LIMCH1: variants seen among roughly 807,000 people sequenced by gnomAD.
LIMCH1 encodes LIM and calponin homology domains-containing protein 1.
A neutral mutation model predicts 176.5 loss-of-function variants in LIMCH1; 113 were observed. The ratio of observed to expected loss-of-function variants is 0.64; its 90% confidence interval spans 0.55 to 0.75. The LOEUF (loss-of-function observed/expected upper bound fraction) is 0.75, where lower values mean the gene tolerates loss of function less well. Ranked by LOEUF, LIMCH1 falls within the 30% of genes least tolerant of loss-of-function variation. LIMCH1 has a pLI of 0.00. For synonymous variants in LIMCH1, 619 were observed against 645.9 expected (o/e 0.96, Z 0.63); for missense variants, 1,674 against 1,814.9 (o/e 0.92, Z 1.41).
upstream of LIMCH1, among the ~76,000 whole-genome samples, chr4:41,534,837 A>G: frequency 6.6e-6 from 1 of 152,178 alleles, no homozygotes; most frequent in Non-Finnish European, 1.5e-5. Context: ...ACTACAGGAA[A>G]AGTCATTAGC....
intron 1 of LIMCH1, among the ~76,000 whole-genome samples, chr4:41,418,998 A>G (rs1413627032): frequency 2.6e-5 from 4 of 152,192 alleles, no homozygotes; most frequent in Non-Finnish European, 4.4e-5. Flanking sequence ...CACATTTCAC[A>G]AAGGATTGTG....
rs534300485 is a variant in LIMCH1, at chr4:41,380,798, G to T, written c.96+19862G>T. Among the ~76,000 whole-genome samples, 116 of 152,130 alleles carry T rather than the reference G, an allele frequency of 7.6e-4. 6 individuals are homozygous for T. The highest frequency in any genetic ancestry group is 1.3e-4 in the Non-Finnish European group (9 of 68,024). On this transcript the variant is annotated intron_variant, in intron 1 of 26. Coordinates refer to the LIMCH1 transcript ENST00000313860. ...GGGTGTGTGAAGAGATGTGCATCCAGGGAATACAGTTATATTCTGTCTGCC... is the reference window on the plus strand; with the variant it reads ...GGGTGTGTGAAGAGATGTGCATCCATGGAATACAGTTATATTCTGTCTGCC...
At chr4:41,649,210 G>A (rs1338914441) in intron 17 of LIMCH1, among the ~76,000 whole-genome samples, 2 of 152,100 alleles carry the variant, frequency 1.3e-5, no homozygotes, top group Admixed American at 1.3e-4. Context: ...GACCAGTCTG[G>A]ACAACATGAT....
intron 1 of LIMCH1, among the ~76,000 whole-genome samples, chr4:41,381,908 A>G (rs995630768): frequency 6.6e-6 from 1 of 152,168 alleles, no homozygotes; most frequent in South Asian, 2.1e-4. Context: ...GATGGTTAGC[A>G]TCATCCCTGG....
At chr4:41,614,819 A>T (rs2091887742) in intron 5 of LIMCH1, among the ~76,000 whole-genome samples, 1 of 152,218 alleles carries the variant, frequency 6.6e-6, no homozygotes, top group Non-Finnish European at 1.5e-5. Flanking sequence ...TTACAAAAAA[A>T]TCACTGTCAG....
intron 1 of LIMCH1, among the ~76,000 whole-genome samples, chr4:41,440,701 T>C (rs1013594560): frequency 6.6e-6 from 1 of 151,988 alleles, no homozygotes; most frequent in African/African-American, 2.4e-5. Flanking sequence ...CCCGGCTAAT[T>C]TTTGTATTTT....
At chr4:41,430,887 TG>T (rs1386500422) in intron 1 of LIMCH1, among the ~76,000 whole-genome samples, 1 of 151,800 alleles carries the variant, frequency 6.6e-6, no homozygotes, top group Non-Finnish European at 1.5e-5. Flanking sequence ...TTTTCTGTTT[TG>T]TTTTTTTTTT....
chr4:41,590,429 A>T (rs187923633), intron 1 of LIMCH1, among the ~76,000 whole-genome samples: 1 of 151,908 alleles, frequency 6.6e-6, no homozygotes, highest in Admixed American at 6.6e-5. Flanking sequence ...TCCTCCACCC[A>T]TTGGCTCTCT....
At chr4:41,408,404 G>A (rs912125929) in intron 1 of LIMCH1, among the ~76,000 whole-genome samples, 1 of 152,184 alleles carries the variant, frequency 6.6e-6, no homozygotes, top group African/African-American at 2.4e-5. Context: ...TGACTCCACT[G>A]TGAATGTGTT....
chr4:41,524,787 G>A (rs182826582), intron 3 of LIMCH1, among the ~76,000 whole-genome samples: 174 of 152,294 alleles, frequency 1.1e-3, no homozygotes, highest in African/African-American at 2.5e-3. Flanking sequence ...TTTTAATTAC[G>A]TTTTCTCATT....
Position 41,635,376 on chromosome 4 carries a change from C to G in LIMCH1, c.2090+1568C>G, listed in dbSNP as rs371652762. On this transcript the variant is annotated intron_variant, in intron 13 of 31. Coordinates refer to ENST00000503057, the MANE Select transcript of LIMCH1 (RefSeq NM_001330672.2). ...CTGAATAGCTGGGATTATATGCGCCCTCCACCACGCCCAGCTAATTTTTGT... is the reference window on the plus strand; with the variant it reads ...CTGAATAGCTGGGATTATATGCGCCGTCCACCACGCCCAGCTAATTTTTGT... Among the ~76,000 whole-genome samples, 98 of 152,250 alleles carry G rather than the reference C, an allele frequency of 6.4e-4. No individual in the cohort carries two copies. The Middle Eastern group carries it at 0.014, about 21-fold the overall frequency.
chr4:41,585,518 G>A (rs771055927), intron 1 of LIMCH1, among the ~76,000 whole-genome samples: 4 of 152,164 alleles, frequency 2.6e-5, no homozygotes, highest in Non-Finnish European at 5.9e-5. Flanking sequence ...GTGTCTATTT[G>A]AGTTTCTGCT....
At position 41,682,318 on chromosome 4, in the gene LIMCH1, T is replaced by C; in HGVS notation, c.3718-15T>C. Reference sequence around the variant, plus strand: ...TAAAATTTATACTTAAGATTTTCATTGTTTTTCTCCTTAGAATAAGATAGA... The same window carrying C: ...TAAAATTTATACTTAAGATTTTCATCGTTTTTCTCCTTAGAATAAGATAGA... On this transcript the variant is annotated splice_polypyrimidine_tract_variant and intron_variant, in intron 25 of 31. Coordinates refer to ENST00000503057, the MANE Select transcript of LIMCH1 (RefSeq NM_001330672.2). The C allele has an allele frequency of 6.3e-7, 1 of 1,598,278 alleles. No individual in the cohort carries two copies. Among genetic ancestry groups the C allele is most frequent in the Non-Finnish European group, 8.6e-7 (1 of 1,169,426 alleles).
At chr4:41,616,722 G>A (rs752115333) in intron 5 of LIMCH1, among the ~76,000 whole-genome samples, 24 of 152,088 alleles carry the variant, frequency 1.6e-4, no homozygotes, top group Non-Finnish European at 2.4e-4. Context: ...ATACTGGGCC[G>A]GCCACCTCCT....
At chr4:41,573,285 A>G (rs1248853957) in intron 1 of LIMCH1, among the ~76,000 whole-genome samples, 5 of 152,246 alleles carry the variant, frequency 3.3e-5, no homozygotes, top group Admixed American at 1.3e-4. Context: ...TTAAAAAATC[A>G]TTGCCATCTT....
At chr4:41,686,203 G>A (rs2153064879) in intron 28 of LIMCH1, among the ~76,000 whole-genome samples, 1 of 152,258 alleles carries the variant, frequency 6.6e-6, no homozygotes. Flanking sequence ...ATGCTCTCCT[G>A]TAAGGTAATT....
chr4:41,436,261 C>T (rs1209711733), intron 1 of LIMCH1, among the ~76,000 whole-genome samples: 4 of 152,144 alleles, frequency 2.6e-5, no homozygotes, highest in South Asian at 2.1e-4. Flanking sequence ...ATTCACTGTT[C>T]GCACTTCTCC....
In LIMCH1 at chr4:41,697,355, C is replaced by T; in HGVS notation, c.*170C>T. The T allele has an allele frequency of 1.8e-6, 1 of 567,660 alleles. No homozygotes were observed. Among genetic ancestry groups the T allele is most frequent in the Non-Finnish European group, 3.1e-6 (1 of 324,386 alleles). 35.2% of individuals were successfully genotyped at this position (567,660 alleles called of 1,614,324 possible). A position where few individuals can be genotyped will look rare whatever the true frequency, so the allele number is the denominator to read the frequency against. ...TCGTAGCACAGTGTTTATGTTTTTCCTGTTTATTGTTTTGGTTTTTTTTTT... is the reference window on the plus strand; with the variant it reads ...TCGTAGCACAGTGTTTATGTTTTTCTTGTTTATTGTTTTGGTTTTTTTTTT... On this transcript the variant is annotated 3_prime_UTR_variant, in exon 32 of 32. Coordinates refer to ENST00000503057, the MANE Select transcript of LIMCH1 (RefSeq NM_001330672.2).
In LIMCH1 at chr4:41,431,815, G is replaced by C. The variant is rs531093284; in HGVS notation, c.97-62721G>C. 3.3e-5 allele frequency among the ~76,000 whole-genome samples: 5 copies of C among 152,220 alleles called. No individual in the cohort carries two copies. In the South Asian group the frequency reaches 1.0e-3, roughly 32 times the overall value. On this transcript the variant is annotated intron_variant, in intron 1 of 26. Transcript: ENST00000313860. Reference sequence around the variant, plus strand: ...TTATGAGTTTTGGGTGATTACTTCAGCCAGCAATGGATGATTAAGGGCTGA... The same window carrying C: ...TTATGAGTTTTGGGTGATTACTTCACCCAGCAATGGATGATTAAGGGCTGA...
Sources: gnomAD v4.1 joint callset for allele counts (sites outside exome capture counted in the v4.1 genomes callset) on GRCh38, gnomAD v4.1.1 for gene constraint, MANE v1.5 for transcripts, NCBI Gene and HGNC (gene_info 2026-07-23, HGNC 2026-07-21) for gene names.